Variants in VSTM2B observed in about 807,000 individuals in gnomAD.
VSTM2B encodes V-set and transmembrane domain-containing protein 2B.
VSTM2B carries 24 observed loss-of-function variants against 24.0 expected under a neutral mutation model. That is an observed-to-expected ratio of 1.00 (90% confidence interval 0.72 to 1.40). The LOEUF (loss-of-function observed/expected upper bound fraction) is 1.40. Among genes scored for constraint, VSTM2B ranks in the 40% most tolerant of loss-of-function variants. The pLI is 0.00. For missense variants in VSTM2B, 399 were observed against 416.4 expected (o/e 0.96, Z 0.36); for synonymous variants, 226 against 194.4 (o/e 1.16, Z -1.35).
intron 4 of VSTM2B, among the ~76,000 whole-genome samples, chr19:29,551,969 G>A (rs1970294260): frequency 6.6e-6 from 1 of 152,226 alleles, no homozygotes; most frequent in Non-Finnish European, 1.5e-5. Context: ...GCCTTGCCTT[G>A]TAGGGTCAAT....
intron 4 of VSTM2B, among the ~76,000 whole-genome samples, chr19:29,561,349 C>T (rs989022927): frequency 6.6e-6 from 1 of 151,848 alleles, no homozygotes; most frequent in African/African-American, 2.4e-5. Context: ...AAAGGCCAGG[C>T]GTGGTGACTC....
chr19:29,553,863 A>C (rs3902742), intron 4 of VSTM2B, among the ~76,000 whole-genome samples: 135,258 of 152,156 alleles, frequency 0.89, 60,507 homozygotes, highest in East Asian at 1. Flanking sequence ...ACCAGCAGAC[A>C]AGATTAGAGA....
In VSTM2B at chr19:29,564,027, T is replaced by C. The variant is rs1331455882; in HGVS notation, c.*93T>C. On this transcript the variant is annotated 3_prime_UTR_variant, in exon 5 of 5. Coordinates refer to ENST00000335523, the MANE Select transcript of VSTM2B (RefSeq NM_001146339.2). ...TGTCGCTGGATGGACACAGAGAGACTGAGAGACGCATGAAAAAGTCCACAT... is the reference window on the plus strand; with the variant it reads ...TGTCGCTGGATGGACACAGAGAGACCGAGAGACGCATGAAAAAGTCCACAT... The C allele has an allele frequency of 4.2e-6, 4 of 946,502 alleles. No homozygotes were observed. The Admixed American group carries it at 7.4e-5, about 18-fold the overall frequency. 58.6% of individuals were successfully genotyped at this position (946,502 alleles called of 1,614,324 possible).
At chr19:29,555,360 GA>G (rs1970382005) in intron 4 of VSTM2B, among the ~76,000 whole-genome samples, 1 of 152,276 alleles carries the variant, frequency 6.6e-6, no homozygotes, top group African/African-American at 2.4e-5. Context: ...TGAAATCAGT[GA>G]GAACAGGGAC....
At chr19:29,538,443 C>T (rs969706243) in intron 4 of VSTM2B, among the ~76,000 whole-genome samples, 14 of 152,190 alleles carry the variant, frequency 9.2e-5, no homozygotes, top group Non-Finnish European at 1.9e-4. Context: ...TCCAGGATCG[C>T]TTACTAAGCT....
intron 4 of VSTM2B, among the ~76,000 whole-genome samples, chr19:29,560,286 C>G (rs1049918331): frequency 6.6e-6 from 1 of 152,170 alleles, no homozygotes; most frequent in Non-Finnish European, 1.5e-5. Flanking sequence ...CAATCAACCA[C>G]TATAATATTG....
intron 4 of VSTM2B, among the ~76,000 whole-genome samples, chr19:29,552,569 G>A (rs1970311171): frequency 6.6e-6 from 1 of 152,188 alleles, no homozygotes; most frequent in Non-Finnish European, 1.5e-5. Flanking sequence ...GAAACCTGTG[G>A]GTCAGGGGAT....
chr19:29,526,776 A>G lies in VSTM2B; in HGVS notation c.82+111A>G, dbSNP rs1167206176. 2.9e-6 allele frequency: 3 copies of G among 1,051,280 alleles called. No homozygotes were observed. The highest frequency in any genetic ancestry group is 4.6e-5 in the Admixed American group (2 of 43,676). The allele number at this position is 1,051,280 out of a possible 1,614,324, so 65.1% of individuals were successfully genotyped here. A position where few individuals can be genotyped will look rare whatever the true frequency, so the allele number is the denominator to read the frequency against. On this transcript the variant is annotated intron_variant, in intron 1 of 4. Transcript: ENST00000335523. The surrounding 1 kb of genome is among the most constrained non-coding windows in gnomAD (Gnocchi z 4.1). ...CCGGGAAGCTTCGCGGTCTCCAGCA[A>G]TCCCGCTGTGCAGCCTGGGCCCGGA... is the stretch of plus-strand genomic sequence containing the variant.
chr19:29,538,269 T>C (rs1307329270), intron 4 of VSTM2B, among the ~76,000 whole-genome samples: 1 of 152,224 alleles, frequency 6.6e-6, no homozygotes, highest in East Asian at 1.9e-4. Context: ...CGTCATCTGT[T>C]ATCATCAGCA....
At chr19:29,527,932 T>A (rs531803832) in intron 2 of VSTM2B, among the ~76,000 whole-genome samples, 81 of 152,250 alleles carry the variant, frequency 5.3e-4, no homozygotes, top group African/African-American at 1.8e-3. Flanking sequence ...TTACACACTC[T>A]AGTGTGCTCG....
At position 29,550,889 on chromosome 19, in the gene VSTM2B, A is replaced by T. The variant is rs140301601; in HGVS notation, c.770-12957A>T. 2.8e-4 allele frequency among the ~76,000 whole-genome samples: 43 copies of T among 151,672 alleles called. No homozygotes were observed. The East Asian group carries it at 6.6e-3, about 23-fold the overall frequency. Reference sequence around the variant, plus strand: ...TGACCCCAGATGCAGCTCCCAGGCCACCAGCAGGTTTGCAGGGGCAAGGGA... The same window carrying T: ...TGACCCCAGATGCAGCTCCCAGGCCTCCAGCAGGTTTGCAGGGGCAAGGGA... On this transcript the variant is annotated intron_variant, in intron 4 of 4. Coordinates refer to ENST00000335523, the MANE Select transcript of VSTM2B (RefSeq NM_001146339.2).
At chr19:29,529,716 G>C (rs1378308548) in intron 3 of VSTM2B, 103 bp from the exon 4 acceptor site, 21 of 1,153,280 alleles carry the variant, frequency 1.8e-5, no homozygotes, top group Admixed American at 2.4e-5. Context: ...CCAGGATCCG[G>C]GAAGTGTTGG....
intron 4 of VSTM2B, among the ~76,000 whole-genome samples, chr19:29,551,926 A>T (rs930209613): frequency 2.0e-5 from 3 of 152,172 alleles, no homozygotes; most frequent in Non-Finnish European, 4.4e-5. Context: ...TGGGAATGAG[A>T]TCCTACCTCA....
At chr19:29,525,432 C>A (rs1969533056), upstream of VSTM2B, 1 of 150,054 alleles carries the variant, frequency 6.7e-6, no homozygotes, top group Admixed American at 6.6e-5. Flanking sequence ...ACGGCCGCTG[C>A]GGGCTGGCTA....
At chr19:29,531,874 G>A (rs560396512) in intron 4 of VSTM2B, among the ~76,000 whole-genome samples, 1 of 152,278 alleles carries the variant, frequency 6.6e-6, no homozygotes, top group Admixed American at 6.5e-5. Flanking sequence ...GCATGTGGCG[G>A]CTCTGTTCCA....
At chr19:29,562,598 C>T (rs1046732133) in intron 4 of VSTM2B, among the ~76,000 whole-genome samples, 13 of 152,192 alleles carry the variant, frequency 8.5e-5, no homozygotes, top group African/African-American at 3.1e-4. Context: ...AAACTGCATC[C>T]ATTCATGCCG....
intron 4 of VSTM2B, among the ~76,000 whole-genome samples, chr19:29,537,638 G>A (rs565322417): frequency 2.0e-5 from 3 of 151,774 alleles, no homozygotes; most frequent in Admixed American, 6.5e-5. Flanking sequence ...GGGTCCTGGC[G>A]TTGGCATGAA....
At position 29,564,016 on chromosome 19, in the gene VSTM2B, C is replaced by T. The variant is rs189533173; in HGVS notation, c.*82C>T. The T allele has an allele frequency of 1.9e-6, 2 of 1,050,218 alleles. No individual in the cohort carries two copies. Among genetic ancestry groups the T allele is most frequent in the Non-Finnish European group, 2.8e-6 (2 of 702,116 alleles). 65.1% of individuals were successfully genotyped at this position (1,050,218 alleles called of 1,614,324 possible). On this transcript the variant is annotated 3_prime_UTR_variant, in exon 5 of 5. Transcript: ENST00000335523. ...GGTGAGGACCATGTCGCTGGATGGA[C>T]ACAGAGAGACTGAGAGACGCATGAA...
chr19:29,527,338 G>C lies in VSTM2B; in HGVS notation c.210G>C (p.Glu70Asp), dbSNP rs1189892274. 1.9e-6 allele frequency: 3 copies of C among 1,548,770 alleles called. No individual in the cohort carries two copies. Among genetic ancestry groups the C allele is most frequent in the Non-Finnish European group, 2.6e-6 (3 of 1,146,430 alleles). The stretch of plus-strand genomic sequence containing the variant: ...AGATTCAGTGGTGGTACCTCAAGGA[G>C]CCACCCCGGGAGCTGCTGCACGAGC... ...SLEIQWWYLK[E>D]PPRELLHELA... The change falls in exon 2 of 5, where the codon GAG becomes GAC. Residue 70 changes from glutamate to aspartate, a missense_variant. Coordinates refer to ENST00000335523, the MANE Select transcript of VSTM2B (RefSeq NM_001146339.2).
Sources: allele counts gnomAD v4.1 joint callset (sites outside exome capture counted in the v4.1 genomes callset), GRCh38; gene constraint gnomAD v4.1.1; non-coding constraint Gnocchi (gnomAD v3.1); transcripts MANE v1.5; gene names NCBI Gene and HGNC (gene_info 2026-07-23, HGNC 2026-07-21).